ZNF600: variants seen among roughly 807,000 people sequenced by gnomAD.
ZNF600 encodes zinc finger protein 600, also known as zinc finger protein KR-ZNF1.
ZNF600 carries 4 observed loss-of-function variants against 7.3 expected under a neutral mutation model. That is an observed-to-expected ratio of 0.55 (90% CI 0.27 to 1.25). The LOEUF is 1.25. Ranked by LOEUF, ZNF600 falls within the 50% of genes most tolerant of loss-of-function variation. ZNF600 has a pLI of 0.12. For missense variants in ZNF600, 911 were observed against 922.1 expected (o/e 0.99, Z 0.16); for synonymous variants, 290 against 308.9 (o/e 0.94, Z 0.64).
intron 3 of ZNF600, 129 bp downstream of exon 5, chr19:52,774,446 C>CA (rs1363707406): frequency 1.7e-5 from 15 of 892,114 alleles, no homozygotes; most frequent in African/African-American, 4.5e-5. Context: ...AAAAACAAAA[C>CA]AAAAAAACAA....
chr19:52,821,156 C>A, the ZNF600 span, among the ~76,000 whole-genome samples: 1 of 151,498 alleles, frequency 6.6e-6, no homozygotes, highest in African/African-American at 2.4e-5. Context: ...CGCCTTCGGA[C>A]AAGGGTGGGA....
At chr19:52,802,761 C>CTT in the ZNF600 span, among the ~76,000 whole-genome samples, 137 of 127,570 alleles carry the variant, frequency 1.1e-3, 1 homozygote, top group African/African-American at 3.9e-3. Flanking sequence ...CACGTTGTGA[C>CTT]TTTTTTTTTT....
the ZNF600 span, chr19:52,801,417 C>A: frequency 3.7e-6 from 6 of 1,614,084 alleles, no homozygotes; most frequent in Non-Finnish European, 5.1e-6. Context: ...CGAATGAAAG[C>A]TTAATCCAAG....
chr19:52,776,736 C>T (rs1042517932), intron 2 of ZNF600, among the ~76,000 whole-genome samples: 5 of 152,108 alleles, frequency 3.3e-5, no homozygotes, highest in African/African-American at 1.2e-4. Flanking sequence ...ATGAAAAATA[C>T]TTAAAATCAT....
At chr19:52,817,800 T>G in the ZNF600 span, 69 of 1,533,340 alleles carry the variant, frequency 4.5e-5, no homozygotes, top group East Asian at 7.9e-4. Context: ...CTAAGCGAGA[T>G]GAGATGAACT....
the ZNF600 span, among the ~76,000 whole-genome samples, chr19:52,823,357 G>A: frequency 6.6e-6 from 1 of 151,964 alleles, no homozygotes; most frequent in Admixed American, 6.6e-5. Context: ...GGGATTACAG[G>A]CACACGCCAC....
At position 52,786,587 on chromosome 19, in the gene ZNF600, A is replaced by G. The variant is rs1025394218; in HGVS notation, c.-20+8T>C. On this transcript the variant is annotated splice_region_variant and intron_variant, in intron 1 of 3. Transcript: ENST00000648973. Reference sequence around the variant, plus strand: ...AAACCCAAAAGCAAGCAACTTCCAGACTCTTACCGGGACGTCTCAATTTGC... The same window carrying G: ...AAACCCAAAAGCAAGCAACTTCCAGGCTCTTACCGGGACGTCTCAATTTGC... 5.8e-6 allele frequency: 1 copy of G among 172,760 alleles called. No homozygotes were observed. Among genetic ancestry groups the G allele is most frequent in the African/African-American group, 2.3e-5 (1 of 42,652 alleles). The allele number at this position is 172,760 out of a possible 1,614,324, so 10.7% of individuals were successfully genotyped here. A position where few individuals can be genotyped will look rare whatever the true frequency, so the allele number is the denominator to read the frequency against.
chr19:52,820,877 C>G, the ZNF600 span, among the ~76,000 whole-genome samples: 1 of 152,022 alleles, frequency 6.6e-6, no homozygotes. Flanking sequence ...TTTTCTCTGT[C>G]TCAGGTTTTC....
chr19:52,789,931 T>C (rs1234596346), upstream of ZNF600, among the ~76,000 whole-genome samples: 1 of 151,514 alleles, frequency 6.6e-6, no homozygotes, highest in Non-Finnish European at 1.5e-5. Flanking sequence ...AAAGGAAAAC[T>C]ACAGTCAAAG....
the ZNF600 span, chr19:52,810,780 CAAAA>C: frequency 7.7e-6 from 3 of 387,300 alleles, no homozygotes; most frequent in Admixed American, 1.5e-4. Context: ...AAAAAAAACC[CAAAA>C]AAAACAGAAG....
At chr19:52,768,232 CA>C (rs1381313622) in intron 3 of ZNF600, among the ~76,000 whole-genome samples, 4 of 150,982 alleles carry the variant, frequency 2.6e-5, no homozygotes, top group African/African-American at 9.7e-5. Flanking sequence ...TAACCAAAAT[CA>C]ATGGAAATTC....
chr19:52,810,479 G>T, the ZNF600 span: 2 of 1,586,828 alleles, frequency 1.3e-6, no homozygotes, highest in African/African-American at 1.3e-5. Context: ...GACTTCCTTG[G>T]CCTTGGATGA....
chr19:52,789,915 G>T (rs560493046), upstream of ZNF600, among the ~76,000 whole-genome samples: 1 of 152,132 alleles, frequency 6.6e-6, no homozygotes, highest in Non-Finnish European at 1.5e-5. Context: ...TAAGATTTGG[G>T]TAGGTAAAGG....
intron 1 of ZNF600, among the ~76,000 whole-genome samples, chr19:52,783,464 T>C (rs913529420): frequency 9.2e-5 from 14 of 152,044 alleles, no homozygotes; most frequent in Non-Finnish European, 1.6e-4. Flanking sequence ...CGGGTTCATG[T>C]CATTCTCCTG....
At chr19:52,769,619 G>T (rs551250233) in intron 3 of ZNF600, among the ~76,000 whole-genome samples, 12 of 152,246 alleles carry the variant, frequency 7.9e-5, no homozygotes, top group South Asian at 2.1e-4. Context: ...TGCTGGCAGT[G>T]GTCCCCCGGG....
the ZNF600 span, among the ~76,000 whole-genome samples, chr19:52,818,422 T>C: frequency 1.3e-5 from 2 of 151,692 alleles, no homozygotes; most frequent in Admixed American, 6.6e-5. Context: ...ACTAAAAATA[T>C]AAAAATTGGG....
At chr19:52,774,105 A>T (rs183517889) in intron 3 of ZNF600, among the ~76,000 whole-genome samples, 71 of 152,270 alleles carry the variant, frequency 4.7e-4, no homozygotes, top group African/African-American at 1.7e-3. Flanking sequence ...TGGTATACAC[A>T]TACAATGGAA....
upstream of ZNF600, among the ~76,000 whole-genome samples, chr19:52,788,457 ATCAC>A (rs1394164843): frequency 6.6e-6 from 1 of 152,194 alleles, no homozygotes; most frequent in Non-Finnish European, 1.5e-5. Flanking sequence ...ATTTTTAGAA[ATCAC>A]TCCCTCCTTT....
At chr19:52,810,838 AGTCCCTCTCCC>A in the ZNF600 span, 1 of 204,910 alleles carries the variant, frequency 4.9e-6, no homozygotes, top group African/African-American at 4.2e-5. Context: ...TTAAAAAAAG[AGTCCCTCTCCC>A]TCTCCCTCTC....
Sources: gnomAD v4.1 joint callset for allele counts (sites outside exome capture counted in the v4.1 genomes callset) on GRCh38, gnomAD v4.1.1 for gene constraint, MANE v1.5 for transcripts, NCBI Gene and HGNC (gene_info 2026-07-23, HGNC 2026-07-21) for gene names.